PODXL2: variants seen among roughly 807,000 people sequenced by gnomAD.
PODXL2 encodes the protein podocalyxin-like protein 2.
Under a neutral mutation model 53.4 loss-of-function variants are expected in PODXL2, and 17 were observed. The ratio of observed to expected loss-of-function variants is 0.32; its 90% CI spans 0.22 to 0.48. PODXL2 has a LOEUF of 0.48. PODXL2 is among the 20% of genes least tolerant of loss of function. The probability of loss-of-function intolerance (pLI) is 0.99; values close to 1 mark genes in which losing one functional copy is unlikely to be tolerated. For synonymous variants in PODXL2, 311 were observed against 306.7 expected (o/e 1.01, Z -0.15); for missense variants, 673 against 760.0 (o/e 0.89, Z 1.35).
chr3:127,662,249 G>T lies in PODXL2; in HGVS notation c.1144G>T (p.Asp382Tyr). ...PWDSTQVICK[D>Y]WSNLAGKNYI... ...TCTCCTCGCACAGGTGATCTGCAAG[G>T]ACTGGAGCAATCTGGCTGGGAAAAA... Residue 382 changes from aspartate (D) to tyrosine (Y), a missense_variant, in exon 4 of 8, where the codon GAC (aspartate) becomes TAC (tyrosine). Physicochemically the swap from Asp to Tyr is radical, Grantham distance 160. Coordinates refer to ENST00000342480, the MANE Select transcript of PODXL2 (RefSeq NM_015720.4). 1 of 1,613,974 alleles carries T rather than the reference G, an allele frequency of 6.2e-7. No individual in the cohort carries two copies. Among genetic ancestry groups the T allele is most frequent in the South Asian group, 1.1e-5 (1 of 91,076 alleles).
intron 2 of PODXL2, among the ~76,000 whole-genome samples, chr3:127,647,454 G>A (rs544769011): frequency 2.0e-5 from 3 of 152,292 alleles, no homozygotes; most frequent in African/African-American, 4.8e-5. Context: ...CCTAGTGAGT[G>A]AGCAAATTAA....
At chr3:127,634,425 CAA>C (rs1222853241) in intron 1 of PODXL2, among the ~76,000 whole-genome samples, 1 of 118,780 alleles carries the variant, frequency 8.4e-6, no homozygotes. Flanking sequence ...AACTCCATCT[CAA>C]AAAAAAAAAA....
At position 127,671,630 on chromosome 3, in the gene PODXL2, G is replaced by A. The variant is rs1296126251; in HGVS notation, c.1605+17G>A. ...AAGCACGTGGTGAGTGTGGGGACAG[G>A]TGGGGCTGGGGGCCAGTTGAGAGGA... On this transcript the variant is annotated intron_variant, in intron 7 of 7. Transcript: ENST00000342480. The A allele has an allele frequency of 6.2e-7, 1 of 1,609,550 alleles. No individual in the cohort carries two copies. Among genetic ancestry groups the A allele is most frequent in the Admixed American group, 1.7e-5 (1 of 60,008 alleles).
intron 2 of PODXL2, among the ~76,000 whole-genome samples, chr3:127,645,409 G>A (rs773313910): frequency 2.0e-5 from 3 of 152,162 alleles, no homozygotes; most frequent in Non-Finnish European, 4.4e-5. Context: ...ATATGTATTC[G>A]TCCTTGAGTA....
Position 127,629,224 on chromosome 3 carries a change from G to A in PODXL2, c.5G>A (p.Gly2Asp), listed in dbSNP as rs949242675. The change falls in exon 1 of 8, where the codon GGC becomes GAC. Residue 2 changes from glycine to aspartate, a missense_variant. Around this residue, in one of 3 missense-constraint regions of PODXL2, gnomAD observed 588 missense variants for 668.3 expected, o/e 0.88. Transcript: ENST00000342480. The surrounding 1 kb of genome is among the most constrained non-coding windows in gnomAD (Gnocchi z 6.4). ...GCAGGCGGCGACGGCTACACCATGG[G>A]CCGGCTGCTGCGGGCCGCCCGGCTG... M[G>D]RLLRAARLPP... 40 of 995,046 alleles carry A rather than the reference G, an allele frequency of 4.0e-5. No individual in the cohort carries two copies. The highest frequency in any genetic ancestry group is 4.7e-5 in the Non-Finnish European group (39 of 837,286). The allele number at this position is 995,046 out of a possible 1,614,324, so 61.6% of individuals were successfully genotyped here.
At position 127,639,462 on chromosome 3, in the gene PODXL2, G is replaced by A; in HGVS notation, c.288G>A (p.Gln96=). The A allele has an allele frequency of 6.2e-7, 1 of 1,614,266 alleles. No individual in the cohort carries two copies. Among genetic ancestry groups the A allele is most frequent in the Non-Finnish European group, 8.5e-7 (1 of 1,180,036 alleles). ...AGTCTCGGATTCTGCAGCCACCACA[G>A]TACTTCTGGGAAGAGGAGGAAGAGC... is the stretch of plus-strand genomic sequence containing the variant. ...NEESRILQPP[Q]YFWEEEEELN... is the part of the protein sequence containing the mutation. Residue 96 remains glutamine (Q), a synonymous_variant, in exon 2 of 8, where the codon CAG becomes CAA. Transcript: ENST00000342480.
At chr3:127,651,159 A>T (rs1021052881) in intron 2 of PODXL2, among the ~76,000 whole-genome samples, 5 of 152,142 alleles carry the variant, frequency 3.3e-5, no homozygotes, top group African/African-American at 1.2e-4. Flanking sequence ...GCTACTCGGG[A>T]GGCTGAGGCA....
chr3:127,668,622 G>T, intron 5 of PODXL2, 25 bp downstream of exon 5: 2 of 1,483,130 alleles, frequency 1.3e-6, no homozygotes, highest in Non-Finnish European at 1.8e-6. Context: ...GTGATGGGAG[G>T]GCCCAGGAGG....
At chr3:127,664,665 T>C (rs1343121450) in intron 4 of PODXL2, among the ~76,000 whole-genome samples, 3 of 152,078 alleles carry the variant, frequency 2.0e-5, no homozygotes, top group African/African-American at 4.8e-5. Context: ...CACTTGTTCT[T>C]TTCTGTTTTT....
intron 2 of PODXL2, among the ~76,000 whole-genome samples, chr3:127,643,679 C>A (rs2074635255): frequency 6.6e-6 from 1 of 151,758 alleles, no homozygotes; most frequent in African/African-American, 2.4e-5. Flanking sequence ...CGCTTTGTAC[C>A]TCAGGCTGGA....
intron 3 of PODXL2, 32 bp downstream of exon 3, chr3:127,661,191 G>A (rs1020818404): frequency 3.9e-6 from 6 of 1,539,476 alleles, no homozygotes; most frequent in Middle Eastern, 3.4e-4. Flanking sequence ...CCACCACCCT[G>A]TACCTTCTTC....
intron 4 of PODXL2, among the ~76,000 whole-genome samples, chr3:127,667,859 A>C (rs908201177): frequency 2.0e-5 from 3 of 152,122 alleles, no homozygotes; most frequent in Admixed American, 2.0e-4. Flanking sequence ...TTCCCCACTC[A>C]ACAGCTTGGG....
At chr3:127,631,215 T>C (rs2074543379) in intron 1 of PODXL2, among the ~76,000 whole-genome samples, 1 of 152,112 alleles carries the variant, frequency 6.6e-6, no homozygotes, top group Admixed American at 6.5e-5. Context: ...TGAGGAGCTG[T>C]GTGACAGATG....
At chr3:127,636,360 G>A (rs149720183) in intron 1 of PODXL2, among the ~76,000 whole-genome samples, 10 of 152,284 alleles carry the variant, frequency 6.6e-5, no homozygotes, top group East Asian at 1.9e-4. Context: ...GGGTCCCCCC[G>A]TGATGTGAAG....
intron 4 of PODXL2, among the ~76,000 whole-genome samples, chr3:127,667,809 C>G (rs1172915064): frequency 6.6e-6 from 1 of 152,198 alleles, no homozygotes; most frequent in Non-Finnish European, 1.5e-5. Flanking sequence ...TGTGTTTGCT[C>G]TTCTGGCCTC....
chr3:127,639,638 C>T (rs2074601915), intron 2 of PODXL2, 115 bp downstream of exon 2: 7 of 1,000,204 alleles, frequency 7.0e-6, no homozygotes, highest in Non-Finnish European at 1.0e-5. Context: ...CAGTTTTTAC[C>T]ATGCTGCTGC....
chr3:127,629,342 G>A lies in PODXL2; in HGVS notation c.70+53G>A. The A allele has an allele frequency of 9.9e-7, 1 of 1,006,684 alleles. No homozygotes were observed. Among genetic ancestry groups the A allele is most frequent in the South Asian group, 4.5e-5 (1 of 22,286 alleles). 62.4% of individuals were successfully genotyped at this position (1,006,684 alleles called of 1,614,324 possible). On this transcript the variant is annotated intron_variant, in intron 1 of 7. Coordinates refer to ENST00000342480, the MANE Select transcript of PODXL2 (RefSeq NM_015720.4). This position sits in a 1 kb window ranked among gnomAD's most constrained non-coding sequence, Gnocchi z 6.4. ...GAGGGCGGGCGGCGGCGTGGGCGCG[G>A]TGCTGGACAGCTCCCCGGGCCGCCA...
At chr3:127,665,952 G>A (rs1365613835) in intron 4 of PODXL2, 1 of 470,344 alleles carries the variant, frequency 2.1e-6, no homozygotes, top group Non-Finnish European at 4.3e-6. Context: ...TGGGCCCCAG[G>A]TGTGCTCATG....
intron 2 of PODXL2, among the ~76,000 whole-genome samples, chr3:127,645,560 C>T (rs535592685): frequency 4.3e-4 from 65 of 152,332 alleles, no homozygotes; most frequent in African/African-American, 1.5e-3. Context: ...CCAGCATACA[C>T]CCTGCCAACC....
Sources: allele counts gnomAD v4.1 joint callset (sites outside exome capture counted in the v4.1 genomes callset), GRCh38; gene constraint gnomAD v4.1.1; regional missense constraint gnomAD v4.1.1; non-coding constraint Gnocchi (gnomAD v3.1); transcripts MANE v1.5; gene names NCBI Gene and HGNC (gene_info 2026-07-23, HGNC 2026-07-21).